The following LRRC4C variants were observed in gnomAD, a reference collection of about 807,000 sequenced individuals.
The protein encoded by LRRC4C is leucine-rich repeat-containing protein 4C.
In LRRC4C, 5 loss-of-function variants were observed where a neutral mutation model predicts 33.6. The observed-to-expected ratio is 0.15, with a 90% CI of 0.08 to 0.31. The LOEUF (loss-of-function observed/expected upper bound fraction) is 0.31. Among genes scored for constraint, LRRC4C ranks in the 10% least tolerant of loss-of-function variants. LRRC4C has a pLI of 1.00. For missense variants in LRRC4C, 560 were observed against 796.7 expected (o/e 0.70, Z 3.58); for synonymous variants, 329 against 302.0 (o/e 1.09, Z -0.93).
At chr11:40,615,265 T>TATATATATATATATACAC (rs1490740198) in intron 3 of LRRC4C, among the ~76,000 whole-genome samples, 5 of 53,436 alleles carry the variant, frequency 9.4e-5, no homozygotes, top group Non-Finnish European at 1.3e-4. Context: ...TATATATATA[T>TATATATATATATATACAC]ACACACACAC....
intron 3 of LRRC4C, among the ~76,000 whole-genome samples, chr11:40,408,917 C>T (rs1038982943): frequency 1.3e-5 from 2 of 151,862 alleles, no homozygotes; most frequent in Non-Finnish European, 2.9e-5. Context: ...ATCTAATATT[C>T]ATATGGGACC....
chr11:41,191,939 G>A (rs991925565), intron 1 of LRRC4C, among the ~76,000 whole-genome samples: 2 of 152,076 alleles, frequency 1.3e-5, no homozygotes, highest in Non-Finnish European at 2.9e-5. Context: ...GGTGCCAAAG[G>A]AAGACATTAA....
chr11:41,442,761 G>A (rs974840820), intron 1 of LRRC4C, among the ~76,000 whole-genome samples: 13 of 151,900 alleles, frequency 8.6e-5, no homozygotes, highest in East Asian at 1.9e-4. Flanking sequence ...GAGCCACCGC[G>A]CCCGGCCTGT....
At chr11:41,281,794 C>T (rs534909482) in intron 1 of LRRC4C, among the ~76,000 whole-genome samples, 1 of 152,200 alleles carries the variant, frequency 6.6e-6, no homozygotes, top group South Asian at 2.1e-4. Flanking sequence ...GCCACTCCAA[C>T]AATCTTTAGT....
Position 40,317,881 on chromosome 11 carries a change from T to TGCA in LRRC4C, c.-176+1744_-176+1746dup, listed in dbSNP as rs1255974054. Among the ~76,000 whole-genome samples the TGCA allele has an allele frequency of 2.0e-5, 3 of 152,132 alleles. 1 individual carries two copies. The highest frequency in any genetic ancestry group is 3.8e-4 in the East Asian group (2 of 5,198). ...TTAGAGAGCAGAAGTCCATATTCTCTGCAGCAGCAGCAACCTGGTAGCAAG... is the reference window on the plus strand; with the variant it reads ...TTAGAGAGCAGAAGTCCATATTCTCTGCAGCAGCAGCAGCAACCTGGTAGCAAG... On this transcript the variant is annotated intron_variant, in intron 4 of 6. Transcript: ENST00000528697.
chr11:41,144,822 GAT>G (rs1943659747), intron 1 of LRRC4C, among the ~76,000 whole-genome samples: 1 of 151,944 alleles, frequency 6.6e-6, no homozygotes, highest in African/African-American at 2.4e-5. Context: ...ATTTTCTCTG[GAT>G]AATTTCCTGG....
intron 4 of LRRC4C, among the ~76,000 whole-genome samples, chr11:40,257,531 G>A (rs117844879): frequency 0.028 from 4,307 of 152,148 alleles, 97 homozygotes; most frequent in South Asian, 0.1. Context: ...GAAAGAAGCC[G>A]CTTGATGCAG....
intron 1 of LRRC4C, among the ~76,000 whole-genome samples, chr11:41,427,334 A>C (rs548570047): frequency 2.0e-5 from 3 of 152,146 alleles, no homozygotes; most frequent in African/African-American, 7.2e-5. Context: ...ATGGAGATAC[A>C]GTAGTGAAGA....
At position 40,218,771 on chromosome 11, in the gene LRRC4C, A is replaced by T. The variant is rs1864190463; in HGVS notation, c.-96+22748T>A. 2.7e-5 allele frequency among the ~76,000 whole-genome samples: 4 copies of T among 148,800 alleles called. No homozygotes were observed. In the Admixed American group the frequency reaches 2.7e-4, roughly 10 times the overall value. On this transcript the variant is annotated intron_variant, in intron 5 of 6. Transcript: ENST00000528697. ...TCCATCCATCTATCCATCCATCCAAACCTAGGGTAGAGTTCCTGATTCCCC... is the reference window on the plus strand; with the variant it reads ...TCCATCCATCTATCCATCCATCCAATCCTAGGGTAGAGTTCCTGATTCCCC...
At chr11:40,984,256 A>G (rs1852760852) in intron 1 of LRRC4C, among the ~76,000 whole-genome samples, 2 of 150,378 alleles carry the variant, frequency 1.3e-5, no homozygotes, top group South Asian at 4.3e-4. Context: ...GGAAAGGAAG[A>G]CAAGAAGGAA....
chr11:41,299,777 GTTTAT>G (rs1473370665), intron 1 of LRRC4C, among the ~76,000 whole-genome samples: 1 of 152,004 alleles, frequency 6.6e-6, no homozygotes, highest in Non-Finnish European at 1.5e-5. Flanking sequence ...GAAGCAATAA[GTTTAT>G]TTTTTCTTTC....
chr11:41,259,749 C>A (rs1299738916), intron 1 of LRRC4C, among the ~76,000 whole-genome samples: 2 of 151,846 alleles, frequency 1.3e-5, no homozygotes, highest in African/African-American at 2.4e-5. Flanking sequence ...TGTGTAGCTG[C>A]GAACTATTTA....
intron 5 of LRRC4C, among the ~76,000 whole-genome samples, chr11:40,225,025 T>C (rs959469690): frequency 5.3e-5 from 8 of 152,176 alleles, no homozygotes; most frequent in Admixed American, 3.3e-4. Flanking sequence ...TGACTAAGAC[T>C]AAAGCAACTG....
chr11:41,134,449 C>A (rs1490014635), intron 1 of LRRC4C, among the ~76,000 whole-genome samples: 1 of 152,140 alleles, frequency 6.6e-6, no homozygotes. Flanking sequence ...AATATAACCA[C>A]TAACATAGTA....
chr11:41,392,667 G>T (rs555601354), intron 1 of LRRC4C, among the ~76,000 whole-genome samples: 3 of 151,962 alleles, frequency 2.0e-5, no homozygotes, highest in African/African-American at 7.2e-5. Flanking sequence ...AAATTAAGGT[G>T]AGCCAGAAAT....
chr11:41,150,646 C>T (rs1324544619), intron 1 of LRRC4C, among the ~76,000 whole-genome samples: 1 of 151,700 alleles, frequency 6.6e-6, no homozygotes, highest in Non-Finnish European at 1.5e-5. Context: ...AAAAATTAGC[C>T]AGGTGTGGTG....
At chr11:41,005,671 C>T (rs1318115990) in intron 1 of LRRC4C, among the ~76,000 whole-genome samples, 5 of 152,100 alleles carry the variant, frequency 3.3e-5, no homozygotes, top group Non-Finnish European at 7.4e-5. Context: ...CTCTCTCTCT[C>T]TCGCAATGTG....
At chr11:40,152,531 C>G (rs1196104678) in intron 5 of LRRC4C, among the ~76,000 whole-genome samples, 8 of 152,188 alleles carry the variant, frequency 5.3e-5, no homozygotes, top group Admixed American at 5.2e-4. Flanking sequence ...ACCTGGGAGG[C>G]AGATAGCCTC....
At chr11:41,073,662 A>G (rs1938887483) in intron 1 of LRRC4C, among the ~76,000 whole-genome samples, 2 of 152,194 alleles carry the variant, frequency 1.3e-5, no homozygotes, top group South Asian at 2.1e-4. Context: ...TTCAATATAT[A>G]TGTGCAAGAT....
Sources: allele counts gnomAD v4.1 joint callset (sites outside exome capture counted in the v4.1 genomes callset), GRCh38; gene constraint gnomAD v4.1.1; transcripts MANE v1.5; gene names NCBI Gene and HGNC (gene_info 2026-07-23, HGNC 2026-07-21).